UFSP2: variants seen among roughly 807,000 people sequenced by gnomAD.
UFSP2 encodes the protein ufm1-specific protease 2.
In UFSP2, 43 loss-of-function variants were observed where a neutral mutation model predicts 60.2. That is an observed-to-expected ratio of 0.71 (90% CI 0.56 to 0.92). UFSP2 has a LOEUF of 0.92. UFSP2 is among the 40% of genes least tolerant of loss of function. The pLI, the probability that UFSP2 is intolerant of heterozygous loss-of-function variation, is 0.00. For synonymous variants in UFSP2, 183 were observed against 195.1 expected (o/e 0.94, Z 0.52); for missense variants, 520 against 575.0 (o/e 0.90, Z 0.98).
chr4:185,414,699 T>G (rs2095535274), intron 6 of UFSP2, among the ~76,000 whole-genome samples: 1 of 152,202 alleles, frequency 6.6e-6, no homozygotes, highest in Non-Finnish European at 1.5e-5. Flanking sequence ...TCTCCAAAAT[T>G]CCTCTAATAA....
At chr4:185,423,684 A>C (rs1167221766) in intron 1 of UFSP2, among the ~76,000 whole-genome samples, 2 of 152,206 alleles carry the variant, frequency 1.3e-5, no homozygotes, top group Non-Finnish European at 2.9e-5. Flanking sequence ...GGAACTAATC[A>C]GTTCTTTACT....
intron 9 of UFSP2, among the ~76,000 whole-genome samples, chr4:185,407,478 CA>C (rs2095522558): frequency 6.6e-6 from 1 of 151,892 alleles, no homozygotes. Context: ...TTGGAAAAGA[CA>C]AAATGAATAC....
At chr4:185,421,506 G>A (rs2095549277) in intron 2 of UFSP2, among the ~76,000 whole-genome samples, 1 of 152,120 alleles carries the variant, frequency 6.6e-6, no homozygotes, top group Admixed American at 6.5e-5. Flanking sequence ...TTCTTTAAAA[G>A]AGCCTGGCAC....
intron 7 of UFSP2, among the ~76,000 whole-genome samples, chr4:185,411,987 G>C (rs1169323834): frequency 3.9e-5 from 6 of 152,258 alleles, no homozygotes; most frequent in African/African-American, 9.6e-5. Context: ...AGGAAATGAT[G>C]AACACAAAAC....
chr4:185,419,789 A>T (rs944913873), intron 2 of UFSP2, among the ~76,000 whole-genome samples: 3 of 152,198 alleles, frequency 2.0e-5, no homozygotes, highest in African/African-American at 7.2e-5. Context: ...CATTGTGTGG[A>T]TACACCAATT....
At chr4:185,415,666 G>A (rs1372051131) in intron 5 of UFSP2, 44 bp downstream of exon 5, 2 of 1,540,598 alleles carry the variant, frequency 1.3e-6, no homozygotes, top group Non-Finnish European at 1.8e-6. Flanking sequence ...GTTTGGGGAA[G>A]GGCCCTCATT....
At chr4:185,425,514 C>T (rs2095558018) in intron 1 of UFSP2, among the ~76,000 whole-genome samples, 1 of 152,138 alleles carries the variant, frequency 6.6e-6, no homozygotes, top group Non-Finnish European at 1.5e-5. Flanking sequence ...AGGGAAATAC[C>T]ACGGGAACTA....
intron 11 of UFSP2, among the ~76,000 whole-genome samples, chr4:185,401,239 AAAC>A (rs1224705499): frequency 2.6e-5 from 4 of 152,214 alleles, no homozygotes; most frequent in Non-Finnish European, 5.9e-5. Flanking sequence ...CGTTGTCAAA[AAAC>A]AAGATAAAAG....
chr4:185,424,292 C>T (rs2095555095), intron 1 of UFSP2, among the ~76,000 whole-genome samples: 2 of 152,080 alleles, frequency 1.3e-5, no homozygotes, highest in South Asian at 4.1e-4. Flanking sequence ...AGCAACAGAG[C>T]AAGATCTTGT....
chr4:185,417,879 A>C (rs572488086), intron 4 of UFSP2, among the ~76,000 whole-genome samples: 4 of 152,198 alleles, frequency 2.6e-5, no homozygotes, highest in African/African-American at 9.6e-5. Flanking sequence ...TCCCATCTCT[A>C]CTAAAAATAC....
At chr4:185,425,828 G>A (rs200276174) in intron 1 of UFSP2, 38 bp downstream of exon 1, 2 of 1,598,166 alleles carry the variant, frequency 1.3e-6, no homozygotes, top group East Asian at 2.3e-5. Context: ...AAAGTCCGGG[G>A]AAAAACACAG....
At chr4:185,405,693 T>C in intron 10 of UFSP2, 87 bp downstream of exon 10, 1 of 1,439,810 alleles carries the variant, frequency 6.9e-7, no homozygotes, top group Non-Finnish European at 9.5e-7. Context: ...TTTAAATGAC[T>C]GATTTTATGC....
chr4:185,407,457 G>T (rs971822339), intron 9 of UFSP2, among the ~76,000 whole-genome samples: 2 of 152,080 alleles, frequency 1.3e-5, no homozygotes, highest in South Asian at 4.2e-4. Context: ...TTAGAATTAT[G>T]GTTAAGATCA....
chr4:185,417,988 G>A (rs2095541896), intron 4 of UFSP2, among the ~76,000 whole-genome samples: 2 of 150,614 alleles, frequency 1.3e-5, no homozygotes, highest in South Asian at 2.1e-4. Context: ...AAGTTGCAGT[G>A]AGCCGAGATC....
intron 1 of UFSP2, among the ~76,000 whole-genome samples, chr4:185,424,902 A>G (rs2095556445): frequency 6.6e-6 from 1 of 152,210 alleles, no homozygotes; most frequent in African/African-American, 2.4e-5. Flanking sequence ...TAGTCTTCCT[A>G]GACTTCCGAA....
chr4:185,411,858 T>C (rs986105762), intron 7 of UFSP2, among the ~76,000 whole-genome samples: 6 of 152,164 alleles, frequency 3.9e-5, no homozygotes, highest in Non-Finnish European at 8.8e-5. Flanking sequence ...AAAAGCAAGC[T>C]GCAGAGACTA....
At chr4:185,425,665 G>A (rs2095558502) in intron 1 of UFSP2, among the ~76,000 whole-genome samples, 1 of 152,232 alleles carries the variant, frequency 6.6e-6, no homozygotes, top group South Asian at 2.1e-4. Flanking sequence ...CCGAGGCGGG[G>A]TGCACACTTG....
intron 10 of UFSP2, among the ~76,000 whole-genome samples, chr4:185,405,447 T>C (rs992227359): frequency 3.9e-5 from 6 of 152,210 alleles, no homozygotes; most frequent in African/African-American, 1.2e-4. Context: ...AATTGCAAAA[T>C]CTCACAAAGC....
intron 9 of UFSP2, among the ~76,000 whole-genome samples, chr4:185,407,017 CT>C (rs34710879): frequency 0.61 from 60,402 of 98,774 alleles, 18,273 homozygotes; most frequent in East Asian, 0.78. Flanking sequence ...TTTGGCTTTT[CT>C]TTTTTTTTTT....
Sources: gnomAD v4.1 joint callset for allele counts (sites outside exome capture counted in the v4.1 genomes callset) on GRCh38, gnomAD v4.1.1 for gene constraint, MANE v1.5 for transcripts, NCBI Gene and HGNC (gene_info 2026-07-23, HGNC 2026-07-21) for gene names.